Variants in ADCY5 observed in about 807,000 individuals in gnomAD.
The protein encoded by ADCY5 is adenylate cyclase type 5.
ADCY5 carries 30 observed loss-of-function variants against 119.7 expected under a neutral mutation model. The observed-to-expected ratio is 0.25, with a 90% confidence interval of 0.19 to 0.34. The LOEUF (loss-of-function observed/expected upper bound fraction) is 0.34, where lower values mean the gene tolerates loss of function less well. Ranked by LOEUF, ADCY5 falls within the 10% of genes least tolerant of loss-of-function variation. ADCY5 has a pLI of 1.00. For missense variants in ADCY5, 1,324 were observed against 1,775.2 expected, an observed-to-expected ratio of 0.75 and a Z score of 4.57; for synonymous variants, 753 against 762.2, an observed-to-expected ratio of 0.99 and a Z score of 0.20.
chr3:123,287,693 G>A (rs541744482), intron 19 of ADCY5, among the ~76,000 whole-genome samples: 5 of 152,228 alleles, frequency 3.3e-5, no homozygotes, highest in South Asian at 4.1e-4. Flanking sequence ...CTTCCAAGCC[G>A]CAGGCAGCTT....
rs118174731 is a variant in ADCY5 at position 123,431,036 on chromosome 3, G to A, written c.1134+16376C>T. On this transcript the variant is annotated intron_variant, in intron 1 of 20. Coordinates refer to ENST00000462833, the MANE Select transcript of ADCY5 (RefSeq NM_183357.3). ...TTGGCCACACATGCTAACAACAAACGCATATGGGGAGTTGCCGGCTATATA... is the reference window on the plus strand; with the variant it reads ...TTGGCCACACATGCTAACAACAAACACATATGGGGAGTTGCCGGCTATATA... 2.4e-3 allele frequency among the ~76,000 whole-genome samples: 361 copies of A among 152,250 alleles called. 2 individuals are homozygous for A. In the East Asian group the frequency reaches 0.025, roughly 11 times the overall value.
intron 15 of ADCY5, 72 bp from the exon 16 acceptor site, chr3:123,297,454 C>T: frequency 6.6e-7 from 1 of 1,512,896 alleles, no homozygotes; most frequent in Non-Finnish European, 9.2e-7. Flanking sequence ...CCTGCTCAGC[C>T]CCCACGCCCT....
At chr3:123,301,863 G>A (rs1399211224) in intron 14 of ADCY5, among the ~76,000 whole-genome samples, 1 of 152,164 alleles carries the variant, frequency 6.6e-6, no homozygotes, top group Non-Finnish European at 1.5e-5. Flanking sequence ...AGGAAGGGGA[G>A]GCTGGGTGCA....
At chr3:123,327,873 G>T in intron 6 of ADCY5, 114 bp from the exon 7 acceptor site, 1 of 1,277,950 alleles carries the variant, frequency 7.8e-7, no homozygotes, top group Non-Finnish European at 1.1e-6. Context: ...AAACCCTAGG[G>T]CCCCAAGCTC....
intron 16 of ADCY5, 85 bp downstream of exon 16, chr3:123,297,268 C>T (rs1939575692): frequency 6.4e-7 from 1 of 1,550,620 alleles, no homozygotes; most frequent in African/African-American, 1.4e-5. Context: ...CCACCAAGGC[C>T]CCTCCCACCT....
At chr3:123,305,294 C>T (rs890124879) in intron 12 of ADCY5, among the ~76,000 whole-genome samples, 2 of 152,196 alleles carry the variant, frequency 1.3e-5, no homozygotes, top group African/African-American at 2.4e-5. Flanking sequence ...GACCACAAGG[C>T]TTCTCCATCC....
chr3:123,303,453 G>C (rs922700193), intron 13 of ADCY5, among the ~76,000 whole-genome samples: 1 of 147,426 alleles, frequency 6.8e-6, no homozygotes, highest in African/African-American at 2.4e-5. Context: ...AACATGCCTT[G>C]GGGACATTCC....
chr3:123,414,324 T>C (rs1945134798), intron 1 of ADCY5, among the ~76,000 whole-genome samples: 1 of 152,174 alleles, frequency 6.6e-6, no homozygotes, highest in Non-Finnish European at 1.5e-5. Context: ...GGACCCTTTA[T>C]CCTCTCTAAG....
At chr3:123,297,027 C>T (rs887508359) in intron 16 of ADCY5, 3 of 1,536,134 alleles carry the variant, frequency 2.0e-6, no homozygotes, top group South Asian at 1.2e-5. Flanking sequence ...CTTCCATTCT[C>T]CTGTGTCTGA....
intron 1 of ADCY5, among the ~76,000 whole-genome samples, chr3:123,445,107 C>G (rs73856620): frequency 0.011 from 1,732 of 152,354 alleles, 41 homozygotes; most frequent in African/African-American, 0.036. Context: ...TTGAACCACT[C>G]ATAACAAGCT....
At chr3:123,383,132 C>T (rs1944087202) in intron 1 of ADCY5, among the ~76,000 whole-genome samples, 2 of 152,080 alleles carry the variant, frequency 1.3e-5, no homozygotes, top group African/African-American at 4.8e-5. Flanking sequence ...AAGTCCCAGC[C>T]CCGTCCTGGT....
At chr3:123,419,313 T>A in intron 1 of ADCY5, 2 of 524,710 alleles carry the variant, frequency 3.8e-6, no homozygotes, top group Non-Finnish European at 4.9e-6. Flanking sequence ...ATGGCAGCAC[T>A]ATTCCATCAC....
At chr3:123,430,457 T>G (rs1945500803) in intron 1 of ADCY5, among the ~76,000 whole-genome samples, 1 of 151,946 alleles carries the variant, frequency 6.6e-6, no homozygotes, top group African/African-American at 2.4e-5. Flanking sequence ...GCCAGTGAAA[T>G]CACCCCGAGG....
Position 123,447,565 on chromosome 3 carries a change from C to T in ADCY5, c.981G>A (p.Glu327=), listed in dbSNP as rs778344176. The change falls in exon 1 of 21, where the codon GAG becomes GAA. Residue 327 remains glutamate (E), a synonymous_variant. Transcript: ENST00000462833. ...LLLPQPRSAS[E]GIWWTVFFIY... The stretch of plus-strand genomic sequence containing the variant: ...TGAAGAACACGGTCCACCAGATGCC[C>T]TCAGAGGCGCTGCGTGGCTGCGGCA... The T allele has an allele frequency of 6.2e-7, 1 of 1,608,914 alleles. No individual in the cohort carries two copies. Among genetic ancestry groups the T allele is most frequent in the Non-Finnish European group, 8.5e-7 (1 of 1,179,576 alleles).
At chr3:123,386,829 C>T (rs545864560) in intron 1 of ADCY5, among the ~76,000 whole-genome samples, 78 of 152,210 alleles carry the variant, frequency 5.1e-4, no homozygotes, top group Non-Finnish European at 1.6e-4. Context: ...TATAGCCCAG[C>T]TGGGTCTTCT....
At chr3:123,392,264 CTT>C (rs1199904593) in intron 1 of ADCY5, among the ~76,000 whole-genome samples, 1 of 152,144 alleles carries the variant, frequency 6.6e-6, no homozygotes, top group African/African-American at 2.4e-5. Flanking sequence ...ACTTTTTTAA[CTT>C]TCCAGATTGT....
At chr3:123,428,263 A>G (rs1285891276) in intron 1 of ADCY5, among the ~76,000 whole-genome samples, 1 of 152,170 alleles carries the variant, frequency 6.6e-6, no homozygotes, top group Non-Finnish European at 1.5e-5. Context: ...ATCTTGCTGT[A>G]CAGACAAGGA....
intron 1 of ADCY5, among the ~76,000 whole-genome samples, chr3:123,401,664 C>G (rs1038078150): frequency 3.3e-5 from 5 of 152,102 alleles, no homozygotes; most frequent in African/African-American, 1.2e-4. Context: ...AAGCTGGGAT[C>G]CCTCCTGAGT....
At chr3:123,336,611 AGAG>A (rs368113967) in intron 3 of ADCY5, among the ~76,000 whole-genome samples, 32 of 152,272 alleles carry the variant, frequency 2.1e-4, no homozygotes, top group African/African-American at 7.5e-4. Flanking sequence ...CAGGAAGAGC[AGAG>A]GAGGTGAGAA....
Sources: allele counts gnomAD v4.1 joint callset (sites outside exome capture counted in the v4.1 genomes callset), GRCh38; gene constraint gnomAD v4.1.1; transcripts MANE v1.5; gene names NCBI Gene and HGNC (gene_info 2026-07-23, HGNC 2026-07-21).